The following ATRN variants were observed in gnomAD, a reference collection of about 807,000 sequenced individuals.
ATRN encodes the protein attractin.
Under a neutral mutation model 178.7 loss-of-function variants are expected in ATRN, and 54 were observed. The ratio of observed to expected loss-of-function variants is 0.30; its 90% CI spans 0.24 to 0.38. The LOEUF (loss-of-function observed/expected upper bound fraction) is 0.38. Ranked by LOEUF, ATRN falls within the 10% of genes least tolerant of loss-of-function variation. The pLI, the probability that ATRN is intolerant of heterozygous loss-of-function variation, is 1.00. For synonymous variants in ATRN, 636 were observed against 663.0 expected, an observed-to-expected ratio of 0.96 and a Z score of 0.63; for missense variants, 1,443 against 1,815.1, an observed-to-expected ratio of 0.79 and a Z score of 3.73.
chr20:3,539,043 A>G (rs540228086), intron 2 of ATRN, among the ~76,000 whole-genome samples: 180 of 152,086 alleles, frequency 1.2e-3, no homozygotes, highest in Non-Finnish European at 1.9e-3. Context: ...CTGCCACATC[A>G]CCTTCTTTTA....
At chr20:3,526,038 A>T (rs767098713) in intron 1 of ATRN, among the ~76,000 whole-genome samples, 1 of 152,198 alleles carries the variant, frequency 6.6e-6, no homozygotes, top group African/African-American at 2.4e-5. Context: ...CTAATATGGA[A>T]GTTTTGGCCA....
Position 3,560,889 on chromosome 20 carries a change from G to A in ATRN, c.1431G>A (p.Val477=), listed in dbSNP as rs1172461986. The A allele has an allele frequency of 4.3e-6, 7 of 1,613,878 alleles. No homozygotes were observed. The African/African-American group carries it at 5.3e-5, about 12-fold the overall frequency. ...HCPLYGYISN[V]QEYDLDKNTW... ...CTCTCTATGGATATATAAGCAATGT[G>A]CAGGAATATGATTTGGGTAGGTATA... The change falls in exon 8 of 29, where the codon GTG becomes GTA. Residue 477 remains valine (V), a synonymous_variant. Transcript: ENST00000262919.
chr20:3,560,600 C>T, intron 7 of ATRN, 62 bp from the exon 8 acceptor site: 2 of 1,370,512 alleles, frequency 1.5e-6, no homozygotes, highest in Non-Finnish European at 2.0e-6. Context: ...TTTTGTTCTT[C>T]TCTGTTCTCA....
At chr20:3,606,944 G>A (rs1600151637) in intron 24 of ATRN, among the ~76,000 whole-genome samples, 2 of 152,120 alleles carry the variant, frequency 1.3e-5, no homozygotes, top group African/African-American at 4.8e-5. Context: ...GCTCTCTCCT[G>A]TAAAATCATT....
intron 6 of ATRN, among the ~76,000 whole-genome samples, chr20:3,558,585 T>TTTATA (rs1290804635): frequency 6.6e-6 from 1 of 152,010 alleles, no homozygotes; most frequent in African/African-American, 2.4e-5. Flanking sequence ...AACACTTTAT[T>TTTATA]AACAGTATCC....
chr20:3,632,330 C>A lies in ATRN; in HGVS notation c.3864-1981C>A, dbSNP rs1720837352. ...TAAATCACAACACTCTGTTTAAAAA[C>A]CTGCACTGGCTCTTTCCCAATGCCC... On this transcript the variant is annotated intron_variant, in intron 25 of 28. Transcript: ENST00000262919. This position sits in a 1 kb window ranked among gnomAD's most constrained non-coding sequence, Gnocchi z 4.2. Among the ~76,000 whole-genome samples the A allele has an allele frequency of 6.6e-6, 1 of 152,130 alleles. No individual in the cohort carries two copies. The highest frequency in any genetic ancestry group is 2.1e-4 in the South Asian group (1 of 4,828).
intron 1 of ATRN, among the ~76,000 whole-genome samples, chr20:3,515,577 G>A (rs188322299): frequency 6.6e-6 from 1 of 152,314 alleles, no homozygotes. Flanking sequence ...AGGAGGGTAA[G>A]GGTTAAAGTC....
Position 3,575,843 on chromosome 20 carries a change from A to G in ATRN, c.2109A>G (p.Arg703=). 1 of 1,612,364 alleles carries G rather than the reference A, an allele frequency of 6.2e-7. No homozygotes were observed. The highest frequency in any genetic ancestry group is 8.5e-7 in the Non-Finnish European group (1 of 1,179,148). Residue 703 remains arginine, a synonymous_variant, in exon 13 of 29, where the codon AGA becomes AGG. Coordinates refer to ENST00000262919, the MANE Select transcript of ATRN (RefSeq NM_139321.3). ...TCTTTGCAGCTCTTGACCATGACAGATGTGACCAGCACACAGATTGTTACA... is the reference window on the plus strand; with the variant it reads ...TCTTTGCAGCTCTTGACCATGACAGGTGTGACCAGCACACAGATTGTTACA... ...CFSKRTLDHD[R]CDQHTDCYSC... is the part of the protein sequence containing the mutation.
intron 1 of ATRN, among the ~76,000 whole-genome samples, chr20:3,531,342 T>G (rs2085450784): frequency 6.6e-6 from 1 of 152,224 alleles, no homozygotes; most frequent in Admixed American, 6.5e-5. Flanking sequence ...ATTTGACAGC[T>G]TGGTTAACAA....
chr20:3,529,154 CATA>C (rs1471978934), intron 1 of ATRN, among the ~76,000 whole-genome samples: 1 of 151,558 alleles, frequency 6.6e-6, no homozygotes, highest in Admixed American at 6.6e-5. Context: ...AAATTTATAC[CATA>C]ATGAGATAGA....
chr20:3,534,173 C>G (rs2085492103), intron 1 of ATRN, among the ~76,000 whole-genome samples: 1 of 152,064 alleles, frequency 6.6e-6, no homozygotes, highest in Non-Finnish European at 1.5e-5. Flanking sequence ...GGAGTCTTAA[C>G]TAGGTATGTG....
At chr20:3,592,548 C>A in intron 19 of ATRN, 1 of 895,148 alleles carries the variant, frequency 1.1e-6, no homozygotes, top group Non-Finnish European at 1.3e-6. Context: ...AGTTTCCAGC[C>A]AAAAAACATA....
chr20:3,605,079 C>T (rs751134201), intron 24 of ATRN, among the ~76,000 whole-genome samples: 4 of 152,148 alleles, frequency 2.6e-5, no homozygotes, highest in Admixed American at 2.0e-4. Context: ...GGTCACTGGA[C>T]GGAGGCTGTT....
chr20:3,471,168 G>A lies in ATRN; in HGVS notation c.61G>A (p.Ala21Thr). The A allele has an allele frequency of 6.6e-7, 1 of 1,504,168 alleles. No individual in the cohort carries two copies. The highest frequency in any genetic ancestry group is 1.2e-5 in the South Asian group (1 of 81,500). 93.2% of individuals were successfully genotyped at this position (1,504,168 alleles called of 1,614,324 possible). A position where few individuals can be genotyped will look rare whatever the true frequency, so the allele number is the denominator to read the frequency against. The stretch of plus-strand genomic sequence containing the variant: ...GAGGAGGAGGACGGCGGCGACGGCA[G>A]CGCTCGCGGGCAGGAGCGGCGGGCC... The part of the protein sequence containing the change: ...RLRRRTAATA[A>T]LAGRSGGPHW... Residue 21 changes from alanine (A) to threonine (T), a missense_variant, in exon 1 of 29, where the codon GCG (alanine) becomes ACG (threonine). By Grantham distance (58) the Ala-to-Thr change is moderately conservative. Coordinates refer to ENST00000262919, the MANE Select transcript of ATRN (RefSeq NM_139321.3).
At chr20:3,640,370 T>C (rs1159855119) in intron 27 of ATRN, among the ~76,000 whole-genome samples, 2 of 152,076 alleles carry the variant, frequency 1.3e-5, no homozygotes, top group Non-Finnish European at 2.9e-5. Context: ...ATATGGAGGA[T>C]AGAATGAGAA....
chr20:3,516,401 T>A (rs2085207134), intron 1 of ATRN, among the ~76,000 whole-genome samples: 1 of 152,192 alleles, frequency 6.6e-6, no homozygotes, highest in Non-Finnish European at 1.5e-5. Context: ...AAGGTGCCAT[T>A]GAGTGTAAAA....
intron 19 of ATRN, chr20:3,592,566 C>A: frequency 1.3e-6 from 1 of 797,030 alleles, no homozygotes; most frequent in Non-Finnish European, 1.5e-6. Context: ...ATAATGAGTA[C>A]TATAGTCGAA....
At chr20:3,583,179 G>A (rs924710832) in intron 16 of ATRN, among the ~76,000 whole-genome samples, 4 of 152,238 alleles carry the variant, frequency 2.6e-5, no homozygotes, top group African/African-American at 9.6e-5. Flanking sequence ...CTGCCCAGCA[G>A]CCTTTCAGAA....
intron 27 of ATRN, 122 bp from the exon 28 acceptor site, chr20:3,644,032 T>G: frequency 1.4e-6 from 1 of 697,808 alleles, no homozygotes; most frequent in Non-Finnish European, 2.5e-6. Context: ...TCTTAAAAAC[T>G]GCAATGTACC....
Sources: gnomAD v4.1 joint callset for allele counts (sites outside exome capture counted in the v4.1 genomes callset) on GRCh38, gnomAD v4.1.1 for gene constraint, Gnocchi (gnomAD v3.1) non-coding constraint, MANE v1.5 for transcripts, NCBI Gene and HGNC (gene_info 2026-07-23, HGNC 2026-07-21) for gene names.